The following FAM167A variants were observed in gnomAD, a reference collection of about 807,000 sequenced individuals.
FAM167A encodes family with sequence similarity 167 member A.
Under a neutral mutation model 14.9 loss-of-function variants are expected in FAM167A, and 23 were observed. The ratio of observed to expected loss-of-function variants is 1.55; its 90% CI spans 1.11 to 2.19. The LOEUF (loss-of-function observed/expected upper bound fraction) is 2.19, where lower values mean the gene tolerates loss of function less well. Ranked by LOEUF, FAM167A falls within the 30% of genes most tolerant of loss-of-function variation. FAM167A has a pLI of 0.00. For synonymous variants in FAM167A, 174 were observed against 117.7 expected (o/e 1.48, Z -3.10); for missense variants, 401 against 281.5 (o/e 1.42, Z -3.04).
intron 2 of FAM167A, among the ~76,000 whole-genome samples, chr8:11,427,257 T>C (rs1186788559): frequency 6.6e-6 from 1 of 152,184 alleles, no homozygotes; most frequent in African/African-American, 2.4e-5. Context: ...TCTGGCTCCA[T>C]ATTTTACCAG....
chr8:11,442,728 C>T (rs1806516263), intron 2 of FAM167A, among the ~76,000 whole-genome samples: 1 of 151,818 alleles, frequency 6.6e-6, no homozygotes, highest in East Asian at 1.9e-4. Flanking sequence ...GATAGAGCAC[C>T]CCAGAGATAT....
intron 1 of FAM167A, among the ~76,000 whole-genome samples, chr8:11,456,254 G>A (rs558685932): frequency 6.1e-4 from 22 of 36,232 alleles, no homozygotes; most frequent in African/African-American, 2.0e-3. Context: ...CTTGCTGTGT[G>A]TGTGAGTGTA....
At chr8:11,452,605 G>A (rs1201872652) in intron 1 of FAM167A, among the ~76,000 whole-genome samples, 3 of 152,156 alleles carry the variant, frequency 2.0e-5, no homozygotes, top group East Asian at 1.9e-4. Flanking sequence ...TCCACCCCAC[G>A]AGGTTGCCTC....
chr8:11,447,382 C>T (rs1371318930), intron 1 of FAM167A, among the ~76,000 whole-genome samples: 2 of 152,124 alleles, frequency 1.3e-5, no homozygotes, highest in Non-Finnish European at 2.9e-5. Flanking sequence ...AAGGTTTCAC[C>T]ACCTTGGCCA....
intron 1 of FAM167A, among the ~76,000 whole-genome samples, chr8:11,456,035 A>ATGG (rs1807261848): frequency 4.0e-5 from 1 of 25,134 alleles, no homozygotes; most frequent in Non-Finnish European, 7.8e-5. Context: ...GCTGGGTATG[A>ATGG]GTGTGAGTGT....
chr8:11,445,614 C>G, intron 1 of FAM167A: 1 of 985,310 alleles, frequency 1.0e-6, no homozygotes, highest in African/African-American at 1.7e-5. Flanking sequence ...TGTGGCCTCC[C>G]CATCTCCAGA....
At chr8:11,424,680 G>C (rs1041736999) in intron 2 of FAM167A, 44 bp from the exon 3 acceptor site, 8 of 1,601,794 alleles carry the variant, frequency 5.0e-6, no homozygotes, top group East Asian at 2.2e-5. Context: ...AGAGTGGCTC[G>C]AGTCCCTGAC....
intron 1 of FAM167A, among the ~76,000 whole-genome samples, chr8:11,446,795 T>C (rs1278601674): frequency 1.3e-5 from 2 of 152,356 alleles, no homozygotes; most frequent in Non-Finnish European, 2.9e-5. Context: ...TAAAGACTTA[T>C]CAGCTGCTTT....
At chr8:11,461,667 G>A (rs1047434766) in intron 1 of FAM167A, among the ~76,000 whole-genome samples, 2 of 152,244 alleles carry the variant, frequency 1.3e-5, no homozygotes, top group Non-Finnish European at 2.9e-5. Flanking sequence ...TAACCAGCTG[G>A]CATTGGCCTC....
chr8:11,423,338 C>T lies in FAM167A; in HGVS notation c.*1035G>A, dbSNP rs1804892921. ...CACTGTAGTTGACCTACACAAGTGGCTTCCGCATTTGGACAAAAATCAGTT... is the reference window on the plus strand; with the variant it reads ...CACTGTAGTTGACCTACACAAGTGGTTTCCGCATTTGGACAAAAATCAGTT... On this transcript the variant is annotated 3_prime_UTR_variant, in exon 3 of 3. Transcript: ENST00000284486. The T allele has an allele frequency of 1.3e-5, 2 of 152,608 alleles. 1 individual carries two copies. Among genetic ancestry groups the T allele is most frequent in the South Asian group, 4.1e-4 (2 of 4,828 alleles). 9.5% of individuals were successfully genotyped at this position (152,608 alleles called of 1,614,324 possible). A position where few individuals can be genotyped will look rare whatever the true frequency, so the allele number is the denominator to read the frequency against.
chr8:11,432,763 C>T (rs763187623), intron 2 of FAM167A, among the ~76,000 whole-genome samples: 4 of 152,292 alleles, frequency 2.6e-5, no homozygotes, highest in South Asian at 2.1e-4. Flanking sequence ...CACATGCACA[C>T]GTATGTTCAT....
At chr8:11,464,605 T>C (rs1368761901) in intron 1 of FAM167A, among the ~76,000 whole-genome samples, 1 of 152,226 alleles carries the variant, frequency 6.6e-6, no homozygotes, top group Non-Finnish European at 1.5e-5. Flanking sequence ...TTCCAGTTAG[T>C]GGCACGTGCG....
chr8:11,466,371 G>A (rs1807767038), intron 1 of FAM167A, among the ~76,000 whole-genome samples: 1 of 152,224 alleles, frequency 6.6e-6, no homozygotes, highest in South Asian at 2.1e-4. Context: ...GGCCAGCAGG[G>A]AGCTAGGAGA....
At position 11,424,543 on chromosome 8, in the gene FAM167A, G is replaced by A. The variant is rs1448438634; in HGVS notation, c.475C>T (p.Leu159Phe). 1 of 1,614,206 alleles carries A rather than the reference G, an allele frequency of 6.2e-7. No individual in the cohort carries two copies. ...NKLKIEHTCRLHRRMLNDATY... is the reference protein window; with the variant it reads ...NKLKIEHTCRFHRRMLNDATY... ...GCATCGTTGAGCATCCTCCTGTGGA[G>A]GCGGCAGGTGTGTTCGATTTTCAGC... The change falls in exon 3 of 3, where the codon CTC becomes TTC. Residue 159 changes from leucine to phenylalanine, a missense_variant. By Grantham distance (22) the Leu-to-Phe change is conservative (BLOSUM62 0). Transcript: ENST00000284486.
intron 2 of FAM167A, among the ~76,000 whole-genome samples, chr8:11,433,088 G>T (rs1805728263): frequency 6.6e-6 from 1 of 152,064 alleles, no homozygotes; most frequent in African/African-American, 2.4e-5. Context: ...ATAACATTAG[G>T]AGAAATACCT....
chr8:11,457,297 C>T (rs926124269), intron 1 of FAM167A, among the ~76,000 whole-genome samples: 2 of 151,978 alleles, frequency 1.3e-5, no homozygotes, highest in African/African-American at 2.4e-5. Flanking sequence ...TGTTTGCTGC[C>T]GGGGTTTCCC....
chr8:11,474,517 C>T (rs12680762), intron 1 of FAM167A: 37,727 of 152,084 alleles, frequency 0.25, 6,454 homozygotes, highest in East Asian at 0.85. Context: ...TGGTTCACAT[C>T]TTAGGATTGA....
chr8:11,436,490 G>A (rs1419357523), intron 2 of FAM167A, among the ~76,000 whole-genome samples: 1 of 152,190 alleles, frequency 6.6e-6, no homozygotes, highest in Non-Finnish European at 1.5e-5. Context: ...CGGCCATGCT[G>A]CTGGGGGTCT....
At chr8:11,427,476 T>A (rs981769674) in intron 2 of FAM167A, among the ~76,000 whole-genome samples, 5 of 152,328 alleles carry the variant, frequency 3.3e-5, no homozygotes, top group Non-Finnish European at 7.3e-5. Flanking sequence ...TGCGACATGC[T>A]CGGCTGTGCC....
Sources: allele counts gnomAD v4.1 joint callset (sites outside exome capture counted in the v4.1 genomes callset), GRCh38; gene constraint gnomAD v4.1.1; transcripts MANE v1.5; gene names NCBI Gene and HGNC (gene_info 2026-07-23, HGNC 2026-07-21).